The following DYM variants were observed in gnomAD, a reference collection of about 807,000 sequenced individuals.
The protein encoded by DYM is dymeclin, also known as dyggve-Melchior-Clausen syndrome protein.
In DYM, 78 loss-of-function variants were observed where a neutral mutation model predicts 93.1. The observed-to-expected ratio is 0.84, with a 90% confidence interval of 0.70 to 1.01. The LOEUF (loss-of-function observed/expected upper bound fraction) is 1.01. Ranked by LOEUF, DYM falls within the 50% of genes least tolerant of loss-of-function variation. The pLI is 0.00. For synonymous variants in DYM, 321 were observed against 319.7 expected (o/e 1.00, Z -0.04); for missense variants, 789 against 845.0 (o/e 0.93, Z 0.82).
chr18:49,361,995 A>G (rs181709947), intron 6 of DYM, among the ~76,000 whole-genome samples: 1 of 150,514 alleles, frequency 6.6e-6, no homozygotes, highest in Non-Finnish European at 1.5e-5. Flanking sequence ...AAATGCTGAG[A>G]TTACAGGCAT....
intron 13 of DYM, among the ~76,000 whole-genome samples, chr18:49,250,482 C>T (rs1309878367): frequency 6.6e-6 from 1 of 152,168 alleles, no homozygotes. Flanking sequence ...CAGTAACTAG[C>T]CCCTAGGCCA....
intron 2 of DYM, among the ~76,000 whole-genome samples, chr18:49,409,288 A>G (rs2071916595): frequency 6.6e-6 from 1 of 151,370 alleles, no homozygotes; most frequent in Non-Finnish European, 1.5e-5. Context: ...TGTCTCAAAA[A>G]AAAAAAAAAA....
At position 49,097,452 on chromosome 18, in the gene DYM, G is replaced by C. The variant is rs374799304; in HGVS notation, c.1975C>G (p.Leu659Val). The change falls in exon 17 of 18, where the codon CTG (leucine) becomes GTG (valine). Residue 659 changes from leucine (L) to valine (V), a missense_variant. Coordinates refer to ENST00000675505, the MANE Select transcript of DYM (RefSeq NM_001353214.3). ...AGAELSVERV[L>V]EIIKQGVVAL... is the part of the protein sequence containing the mutation. Reference sequence around the variant, plus strand: ...ACGACGCCTTGCTTAATGATTTCCAGGACCCGTTCCACTGACAGCTCAGCT... The same window carrying C: ...ACGACGCCTTGCTTAATGATTTCCACGACCCGTTCCACTGACAGCTCAGCT... The C allele has an allele frequency of 1.2e-6, 2 of 1,614,046 alleles. No homozygotes were observed. Among genetic ancestry groups the C allele is most frequent in the South Asian group, 1.1e-5 (1 of 91,078 alleles).
At chr18:49,426,700 T>C (rs1012293849) in intron 2 of DYM, among the ~76,000 whole-genome samples, 4 of 151,732 alleles carry the variant, frequency 2.6e-5, no homozygotes, top group African/African-American at 9.7e-5. Flanking sequence ...TATCCAAAAC[T>C]TGCTGAACTG....
intron 8 of DYM, among the ~76,000 whole-genome samples, chr18:49,307,544 T>C (rs921590581): frequency 2.6e-5 from 4 of 152,196 alleles, no homozygotes; most frequent in Admixed American, 6.5e-5. Flanking sequence ...TTGGTGTGCA[T>C]GTGGTCAGCT....
chr18:49,359,433 G>A (rs2065838886), intron 6 of DYM, among the ~76,000 whole-genome samples: 2 of 152,122 alleles, frequency 1.3e-5, no homozygotes. Flanking sequence ...AATCCAAAGT[G>A]TCTGAGAAAC....
intron 14 of DYM, among the ~76,000 whole-genome samples, chr18:49,181,555 C>A (rs1161101331): frequency 6.6e-6 from 1 of 152,060 alleles, no homozygotes; most frequent in Non-Finnish European, 1.5e-5. Context: ...CATACCAAAT[C>A]CAAAAATTTG....
At chr18:49,332,139 T>C (rs945966541) in intron 7 of DYM, 133 bp from the exon 8 acceptor site, 11 of 920,714 alleles carry the variant, frequency 1.2e-5, no homozygotes, top group East Asian at 2.7e-5. Context: ...CTCACAGAAA[T>C]TGAGCACTGC....
At chr18:49,263,217 C>T (rs2094517622) in intron 11 of DYM, among the ~76,000 whole-genome samples, 1 of 151,728 alleles carries the variant, frequency 6.6e-6, no homozygotes, top group Admixed American at 6.6e-5. Context: ...CTCCTGGGTT[C>T]AAGTAATTCT....
intron 16 of DYM, among the ~76,000 whole-genome samples, chr18:49,112,956 G>A (rs987116934): frequency 7.2e-5 from 11 of 151,770 alleles, no homozygotes; most frequent in Admixed American, 3.9e-4. Context: ...ATCTCCTACC[G>A]GTATTCTAAC....
At position 49,391,486 on chromosome 18, in the gene DYM, T is replaced by C. The variant is rs183709771; in HGVS notation, c.193+107A>G. The C allele has an allele frequency of 4.1e-4, 472 of 1,145,520 alleles. 3 individuals carry two copies. In the African/African-American group the frequency reaches 6.3e-3, roughly 15 times the overall value. 71.0% of individuals were successfully genotyped at this position (1,145,520 alleles called of 1,614,324 possible). ...CCACAAATAGAAAAAATTATTACTA[T>C]TGCTATCAAAGAAGAGTAATTACTT... On this transcript the variant is annotated intron_variant, in intron 3 of 17. Transcript: ENST00000675505.
At chr18:49,279,022 T>G (rs2094909922) in intron 10 of DYM, among the ~76,000 whole-genome samples, 1 of 152,212 alleles carries the variant, frequency 6.6e-6, no homozygotes, top group Admixed American at 6.5e-5. Context: ...GTATGCCCTC[T>G]TATGCCCTGT....
rs2070718265 is a variant in DYM, at chr18:49,036,750, G to T, written c.*7305C>A. On this transcript the variant is annotated 3_prime_UTR_variant, in exon 18 of 18. Transcript: ENST00000675505. ...TGTGTGTGTGTGTAGAGACAGGAGG[G>T]TTTCACCATGTTATCCAGGCTGGCT... 1.3e-5 allele frequency among the ~76,000 whole-genome samples: 2 copies of T among 151,736 alleles called. No individual in the cohort carries two copies. The highest frequency in any genetic ancestry group is 2.9e-5 in the Non-Finnish European group (2 of 67,972).
chr18:49,335,369 G>A (rs2063582354), intron 6 of DYM, among the ~76,000 whole-genome samples: 1 of 151,958 alleles, frequency 6.6e-6, no homozygotes, highest in Non-Finnish European at 1.5e-5. Context: ...GGAGGCTGAG[G>A]CACTAGAACC....
At position 49,379,765 on chromosome 18, in the gene DYM, G is replaced by A. The variant is rs2067865119; in HGVS notation, c.194-7C>T. The A allele has an allele frequency of 6.2e-7, 1 of 1,605,292 alleles. No homozygotes were observed. The highest frequency in any genetic ancestry group is 8.5e-7 in the Non-Finnish European group (1 of 1,172,334). On this transcript the variant is annotated splice_polypyrimidine_tract_variant and splice_region_variant and intron_variant, in intron 3 of 17. Coordinates refer to ENST00000675505, the MANE Select transcript of DYM (RefSeq NM_001353214.3). ...GTTCGAGGATTGTTTTCAACTGCAA[G>A]AGAAGAAAAGGTTTTAAAAAGTTAA...
At chr18:49,452,189 T>C (rs2082575776) in intron 1 of DYM, among the ~76,000 whole-genome samples, 1 of 152,212 alleles carries the variant, frequency 6.6e-6, no homozygotes, top group African/African-American at 2.4e-5. Flanking sequence ...TCGGAGTTTC[T>C]TCCTTCTGGT....
At chr18:49,257,769 G>A (rs1204797598) in intron 12 of DYM, among the ~76,000 whole-genome samples, 3 of 151,892 alleles carry the variant, frequency 2.0e-5, no homozygotes, top group Non-Finnish European at 4.4e-5. Flanking sequence ...GATCACTTAA[G>A]CCCAGGGGTT....
intron 14 of DYM, 44 bp downstream of exon 14, chr18:49,209,507 T>C: frequency 8.1e-7 from 1 of 1,241,838 alleles, no homozygotes; most frequent in Non-Finnish European, 1.0e-6. Context: ...GTCAGTCATA[T>C]ACAACATGCA....
At position 49,140,193 on chromosome 18, in the gene DYM, G is replaced by GACAC. The variant is rs1245759338; in HGVS notation, c.1729-21271_1729-21268dup. On this transcript the variant is annotated intron_variant, in intron 15 of 17. Transcript: ENST00000675505. ...AAAAAAGTCTAAAGCTTTTTCAGAA[G>GACAC]ACACACACACACATACACACACACA... is the stretch of plus-strand genomic sequence containing the variant. Among the ~76,000 whole-genome samples, 5 of 151,906 alleles carry GACAC rather than the reference G, an allele frequency of 3.3e-5. No individual in the cohort carries two copies. In the East Asian group the frequency reaches 5.8e-4, roughly 18 times the overall value.
Sources: gnomAD v4.1 joint callset for allele counts (sites outside exome capture counted in the v4.1 genomes callset) on GRCh38, gnomAD v4.1.1 for gene constraint, MANE v1.5 for transcripts, NCBI Gene and HGNC (gene_info 2026-07-23, HGNC 2026-07-21) for gene names.